Variants in ZNF532 observed in about 807,000 individuals in gnomAD.
ZNF532 encodes the protein zinc finger protein 532.
Under a neutral mutation model 89.3 loss-of-function variants are expected in ZNF532, and 22 were observed. That is an observed-to-expected ratio of 0.25 (90% CI 0.18 to 0.35). The LOEUF (loss-of-function observed/expected upper bound fraction) is 0.35, where lower values mean the gene tolerates loss of function less well. Among genes scored for constraint, ZNF532 ranks in the 10% least tolerant of loss-of-function variants. The pLI, the probability that ZNF532 is intolerant of heterozygous loss-of-function variation, is 1.00. For missense variants in ZNF532, 1,132 were observed against 1,643.4 expected (o/e 0.69, Z 5.38); for synonymous variants, 606 against 649.6 (o/e 0.93, Z 1.02).
intron 5 of ZNF532, chr18:58,939,915 C>G (rs980826870): frequency 1.5e-3 from 310 of 200,404 alleles, no homozygotes; most frequent in African/African-American, 7.2e-3. Context: ...TTTTTTGAGA[C>G]AAGAGTCTCG....
chr18:58,957,999 G>A (rs2064966666), intron 7 of ZNF532, among the ~76,000 whole-genome samples: 1 of 151,344 alleles, frequency 6.6e-6, no homozygotes, highest in African/African-American at 2.4e-5. Context: ...CCAGGAGGCG[G>A]AGGTTGCAGT....
intron 2 of ZNF532, among the ~76,000 whole-genome samples, chr18:58,905,509 T>A (rs1214915596): frequency 6.6e-6 from 1 of 151,776 alleles, no homozygotes; most frequent in Non-Finnish European, 1.5e-5. Context: ...AAGCTATCCT[T>A]CCACTCCAGC....
chr18:58,921,649 A>G (rs956371275), intron 3 of ZNF532, among the ~76,000 whole-genome samples: 3 of 152,242 alleles, frequency 2.0e-5, no homozygotes, highest in African/African-American at 4.8e-5. Flanking sequence ...GTGGGCATCA[A>G]TCAGCCTTTT....
chr18:58,972,298 G>A (rs906048389), intron 7 of ZNF532, among the ~76,000 whole-genome samples: 7 of 152,138 alleles, frequency 4.6e-5, no homozygotes, highest in African/African-American at 7.2e-5. Flanking sequence ...AATATAGATC[G>A]GTTTTAGAAA....
chr18:58,930,501 G>A (rs1258537283), intron 3 of ZNF532, among the ~76,000 whole-genome samples: 1 of 152,046 alleles, frequency 6.6e-6, no homozygotes, highest in Non-Finnish European at 1.5e-5. Context: ...GGCGGTGCGT[G>A]CCTGCAGTCC....
chr18:58,917,409 CAGT>C (rs1459309006), intron 2 of ZNF532, among the ~76,000 whole-genome samples: 2 of 152,192 alleles, frequency 1.3e-5, no homozygotes, highest in Non-Finnish European at 2.9e-5. Context: ...GACCAGGAAA[CAGT>C]AGAGTCTCAG....
rs140764601 is a variant in ZNF532, at chr18:58,903,038, T to G, written c.-17-15233T>G. Among the ~76,000 whole-genome samples the G allele has an allele frequency of 6.8e-3, 1,030 of 152,240 alleles. 12 individuals carry two copies. Among genetic ancestry groups the G allele is most frequent in the African/African-American group, 0.019 (775 of 41,544 alleles). ...TTTCCCATTTAATTTTTAGAAAAAATAAAGGAAGAAAATAGCCTTTTAATG... is the reference window on the plus strand; with the variant it reads ...TTTCCCATTTAATTTTTAGAAAAAAGAAAGGAAGAAAATAGCCTTTTAATG... On this transcript the variant is annotated intron_variant, in intron 2 of 9. Transcript: ENST00000591808.
At position 58,968,014 on chromosome 18, in the gene ZNF532, A is replaced by T. The variant is rs570741008; in HGVS notation, c.3151-11041A>T. On this transcript the variant is annotated intron_variant, in intron 7 of 9. Transcript: ENST00000591808. ...CTGAAAAGTCAGTACCCTACAAGGC[A>T]TGCAGGCAATAATGGGTTAGAACAT... Among the ~76,000 whole-genome samples, 3 of 152,362 alleles carry T rather than the reference A, an allele frequency of 2.0e-5. No individual in the cohort carries two copies. In the East Asian group the frequency reaches 5.8e-4, roughly 29 times the overall value.
At chr18:58,870,098 G>A (rs1243989643) in intron 2 of ZNF532, among the ~76,000 whole-genome samples, 1 of 141,336 alleles carries the variant, frequency 7.1e-6, no homozygotes, top group Non-Finnish European at 1.5e-5. Flanking sequence ...TTTTTTTAAG[G>A]ATAAAATAGC....
chr18:58,981,713 G>C lies in ZNF532; in HGVS notation c.3411+96G>C, dbSNP rs545769870. The stretch of plus-strand genomic sequence containing the variant: ...TTCAAGTTTTTGTTGCATAGTTACA[G>C]TTTTAAAAATTCAGACTGGCTGGGT... On this transcript the variant is annotated intron_variant, in intron 9 of 9. Coordinates refer to ENST00000591808, the MANE Select transcript of ZNF532 (RefSeq NM_001375912.1). 11 of 1,521,624 alleles carry C rather than the reference G, an allele frequency of 7.2e-6. No homozygotes were observed. The African/African-American group carries it at 1.5e-4, about 21-fold the overall frequency. The allele number at this position is 1,521,624 out of a possible 1,614,324, so 94.3% of individuals were successfully genotyped here. A position where few individuals can be genotyped will look rare whatever the true frequency, so the allele number is the denominator to read the frequency against.
At chr18:58,981,283 T>C (rs2067737790) in intron 8 of ZNF532, 187 bp from the exon 9 acceptor site, 1 of 691,842 alleles carries the variant, frequency 1.4e-6, no homozygotes, top group African/African-American at 1.8e-5. Context: ...ATTAAAGCCA[T>C]CTAGACCTGT....
intron 4 of ZNF532, among the ~76,000 whole-genome samples, chr18:58,939,233 C>T (rs1355191054): frequency 1.2e-4 from 11 of 88,768 alleles, no homozygotes; most frequent in South Asian, 8.0e-4. Flanking sequence ...GGCGACAGAG[C>T]GAGACGTTGT....
chr18:58,878,230 G>T (rs1028279737), intron 2 of ZNF532, among the ~76,000 whole-genome samples: 33 of 151,972 alleles, frequency 2.2e-4, no homozygotes, highest in Non-Finnish European at 4.3e-4. Flanking sequence ...ACTCCAGCCT[G>T]GGCGACAGAG....
chr18:58,977,196 TATTTA>T (rs2147601336), intron 7 of ZNF532, among the ~76,000 whole-genome samples: 1 of 152,368 alleles, frequency 6.6e-6, no homozygotes, highest in Non-Finnish European at 1.5e-5. Context: ...TGATTTGGTT[TATTTA>T]AAAGACAGAC....
chr18:58,882,627 G>A (rs748574218), intron 2 of ZNF532, among the ~76,000 whole-genome samples: 1 of 152,034 alleles, frequency 6.6e-6, no homozygotes, highest in South Asian at 2.1e-4. Context: ...TTTATTTTTT[G>A]TAGAGATGGG....
chr18:58,895,385 CCTT>C (rs2059178277), intron 2 of ZNF532, among the ~76,000 whole-genome samples: 2 of 152,306 alleles, frequency 1.3e-5, no homozygotes, highest in African/African-American at 4.8e-5. Flanking sequence ...ATGCTCTAGC[CCTT>C]CTTGGCGATT....
intron 3 of ZNF532, among the ~76,000 whole-genome samples, chr18:58,929,000 C>T (rs867528862): frequency 1.3e-5 from 2 of 152,172 alleles, no homozygotes; most frequent in South Asian, 4.1e-4. Context: ...TTTTAAAAAC[C>T]TGTTTTCTTC....
intron 2 of ZNF532, among the ~76,000 whole-genome samples, chr18:58,872,629 A>G (rs1296715458): frequency 1.3e-5 from 2 of 152,066 alleles, no homozygotes; most frequent in African/African-American, 4.8e-5. Context: ...TTAGAACTGG[A>G]ACCCAGCACT....
At chr18:58,878,012 T>G (rs2057574003) in intron 2 of ZNF532, among the ~76,000 whole-genome samples, 1 of 152,026 alleles carries the variant, frequency 6.6e-6, no homozygotes, top group Admixed American at 6.6e-5. Context: ...CCCAGCACTT[T>G]GGGAGGCTGA....
Sources: allele counts gnomAD v4.1 joint callset (sites outside exome capture counted in the v4.1 genomes callset), GRCh38; gene constraint gnomAD v4.1.1; transcripts MANE v1.5; gene names NCBI Gene and HGNC (gene_info 2026-07-23, HGNC 2026-07-21).